Variants in CDH18 observed in about 807,000 individuals in gnomAD.
The protein encoded by CDH18 is cadherin-18.
A neutral mutation model predicts 67.9 loss-of-function variants in CDH18; 31 were observed. The observed-to-expected ratio is 0.46, with a 90% CI of 0.34 to 0.62. CDH18 has a LOEUF of 0.62. CDH18 is among the 20% of genes least tolerant of loss of function. CDH18 has a pLI of 0.01. For synonymous variants in CDH18, 362 were observed against 347.2 expected (o/e 1.04, Z -0.48); for missense variants, 890 against 975.5 (o/e 0.91, Z 1.17).
intron 5 of CDH18, among the ~76,000 whole-genome samples, chr5:19,630,711 G>T (rs1752301087): frequency 6.6e-6 from 1 of 152,166 alleles, no homozygotes; most frequent in African/African-American, 2.4e-5. Context: ...GTAAAGCAAA[G>T]GCTGCATTAA....
intron 2 of CDH18, among the ~76,000 whole-genome samples, chr5:20,151,996 G>A: frequency 6.6e-6 from 1 of 150,690 alleles, no homozygotes; most frequent in East Asian, 1.9e-4. Flanking sequence ...ATGTTATTCA[G>A]TGTGTAGAAC....
intron 2 of CDH18, among the ~76,000 whole-genome samples, chr5:20,244,397 G>A (rs58271823): frequency 0.12 from 18,586 of 152,006 alleles, 1,531 homozygotes; most frequent in African/African-American, 0.23. Context: ...ATGAGAATTC[G>A]TTGCCATCGT....
At chr5:20,447,048 G>A (rs752163828) in intron 1 of CDH18, among the ~76,000 whole-genome samples, 15 of 151,974 alleles carry the variant, frequency 9.9e-5, no homozygotes, top group Non-Finnish European at 1.8e-4. Flanking sequence ...TAGATAAAAT[G>A]TGGAAGCTTC....
chr5:19,831,368 T>A (rs1781006318), intron 3 of CDH18, among the ~76,000 whole-genome samples: 1 of 151,868 alleles, frequency 6.6e-6, no homozygotes, highest in Non-Finnish European at 1.5e-5. Context: ...GCAAACTGCA[T>A]CCTACAAAGG....
At chr5:19,526,619 T>A (rs1002030698) in intron 9 of CDH18, among the ~76,000 whole-genome samples, 8 of 152,096 alleles carry the variant, frequency 5.3e-5, no homozygotes, top group Non-Finnish European at 1.2e-4. Context: ...ATGACTTAAA[T>A]CTTTAATTTA....
chr5:19,528,997 A>G (rs1018236024), intron 9 of CDH18, among the ~76,000 whole-genome samples: 2 of 151,918 alleles, frequency 1.3e-5, no homozygotes, highest in Non-Finnish European at 2.9e-5. Flanking sequence ...AATCCACCTT[A>G]GTCAGGAAAG....
At chr5:20,495,071 T>C (rs181357724) in intron 1 of CDH18, among the ~76,000 whole-genome samples, 1 of 152,274 alleles carries the variant, frequency 6.6e-6, no homozygotes, top group Non-Finnish European at 1.5e-5. Context: ...CAAAAACACC[T>C]GAATATAACA....
intron 1 of CDH18, among the ~76,000 whole-genome samples, chr5:20,433,466 A>G (rs1310197664): frequency 6.6e-6 from 1 of 152,036 alleles, no homozygotes; most frequent in Non-Finnish European, 1.5e-5. Context: ...AATAAGAGAC[A>G]CTGTAAAGAA....
At chr5:19,959,678 G>A (rs912045148) in intron 2 of CDH18, among the ~76,000 whole-genome samples, 3 of 152,016 alleles carry the variant, frequency 2.0e-5, no homozygotes, top group African/African-American at 7.2e-5. Context: ...ATTTCCAGAA[G>A]GAGAAGGGGC....
intron 5 of CDH18, among the ~76,000 whole-genome samples, chr5:19,691,475 C>CTTTTTTTTTTTTTTTTTTTTTTTTTTTTT (rs1448514674): frequency 1.3e-5 from 2 of 151,762 alleles, no homozygotes; most frequent in South Asian, 4.2e-4. Context: ...ATAAGGTAAT[C>CTTTTTTTTTTTTTTTTTTTTTTTTTTTTT]TTATATTTAG....
At chr5:19,488,764 C>G (rs1740804476) in intron 11 of CDH18, among the ~76,000 whole-genome samples, 1 of 152,146 alleles carries the variant, frequency 6.6e-6, no homozygotes, top group South Asian at 2.1e-4. Flanking sequence ...AAATTGAAAG[C>G]AAAATGAACT....
intron 2 of CDH18, among the ~76,000 whole-genome samples, chr5:19,876,164 A>AT (rs1786978988): frequency 6.6e-6 from 1 of 152,092 alleles, no homozygotes; most frequent in Admixed American, 6.6e-5. Flanking sequence ...TATGGGACTG[A>AT]TTTTTTAAAA....
rs750540201 is a variant in CDH18, at chr5:20,391,089, C to T, written c.-579-135584G>A. Among the ~76,000 whole-genome samples the T allele has an allele frequency of 1.8e-4, 27 of 151,866 alleles. 1 individual carries two copies. Among genetic ancestry groups the T allele is most frequent in the Admixed American group, 1.4e-3 (21 of 15,210 alleles). On this transcript the variant is annotated intron_variant, in intron 1 of 14. Coordinates refer to the CDH18 transcript ENST00000507958. ...ACATGGCACATATATACATATGTAA[C>T]TAACCTGCACGTTATGCACATGTAC...
At chr5:20,257,008 C>A (rs1048532053) in intron 1 of CDH18, among the ~76,000 whole-genome samples, 3 of 149,192 alleles carry the variant, frequency 2.0e-5, no homozygotes, top group African/African-American at 7.6e-5. Context: ...ATCTATCTAT[C>A]ATCATCATCC....
chr5:20,516,047 A>G (rs1755346977), intron 1 of CDH18, among the ~76,000 whole-genome samples: 1 of 152,028 alleles, frequency 6.6e-6, no homozygotes, highest in African/African-American at 2.4e-5. Context: ...AGAACTCAAA[A>G]TTATTTTCAA....
At chr5:20,353,221 G>A (rs1472517941) in intron 1 of CDH18, among the ~76,000 whole-genome samples, 2 of 152,036 alleles carry the variant, frequency 1.3e-5, no homozygotes, top group South Asian at 2.1e-4. Context: ...TTTGGTTTTC[G>A]TGTTTTGCTT....
chr5:20,279,506 C>T (rs552396458), intron 1 of CDH18, among the ~76,000 whole-genome samples: 4 of 151,754 alleles, frequency 2.6e-5, no homozygotes, highest in South Asian at 4.2e-4. Context: ...TGAGACCAGC[C>T]TAGCCAGCAT....
At chr5:20,459,080 T>C (rs547177078) in intron 1 of CDH18, among the ~76,000 whole-genome samples, 1 of 152,224 alleles carries the variant, frequency 6.6e-6, no homozygotes, top group East Asian at 1.9e-4. Flanking sequence ...TGTATGCATA[T>C]GTTTGTTTTT....
At chr5:20,287,330 T>C (rs1273681688) in intron 1 of CDH18, among the ~76,000 whole-genome samples, 2 of 151,762 alleles carry the variant, frequency 1.3e-5, no homozygotes, top group East Asian at 1.9e-4. Context: ...TCATATACTT[T>C]AGAATGTTAG....
Sources: allele counts gnomAD v4.1 joint callset (sites outside exome capture counted in the v4.1 genomes callset), GRCh38; gene constraint gnomAD v4.1.1; transcripts MANE v1.5; gene names NCBI Gene and HGNC (gene_info 2026-07-23, HGNC 2026-07-21).